KDM4C: variants seen among roughly 807,000 people sequenced by gnomAD.
The protein encoded by KDM4C is lysine demethylase 4C, also known as lysine-specific demethylase 4C.
In KDM4C, 81 loss-of-function variants were observed where a neutral mutation model predicts 129.3. The observed-to-expected ratio is 0.63, with a 90% CI of 0.52 to 0.75. The LOEUF (loss-of-function observed/expected upper bound fraction) is 0.75, where lower values mean the gene tolerates loss of function less well. Ranked by LOEUF, KDM4C falls within the 30% of genes least tolerant of loss-of-function variation. The pLI, the probability that KDM4C is intolerant of heterozygous loss-of-function variation, is 0.00. For synonymous variants in KDM4C, 573 were observed against 456.1 expected, an observed-to-expected ratio of 1.26 and a Z score of -3.26; for missense variants, 1,457 against 1,304.0, an observed-to-expected ratio of 1.12 and a Z score of -1.81.
chr9:7,046,990 C>T (rs1298458530), intron 16 of KDM4C, 73 bp downstream of exon 16: 15 of 1,045,232 alleles, frequency 1.4e-5, no homozygotes, highest in Middle Eastern at 2.0e-4. Flanking sequence ...GATGACAGTT[C>T]GCTTTACCTC....
chr9:6,887,242 G>C (rs1845448492), intron 6 of KDM4C, among the ~76,000 whole-genome samples: 1 of 152,176 alleles, frequency 6.6e-6, no homozygotes, highest in African/African-American at 2.4e-5. Flanking sequence ...GTTAATGAGA[G>C]TCTGCCTCAG....
chr9:6,913,753 A>C (rs1287645212), intron 8 of KDM4C, among the ~76,000 whole-genome samples: 1 of 152,252 alleles, frequency 6.6e-6, no homozygotes, highest in Admixed American at 6.5e-5. Context: ...CAGAATCACA[A>C]AATTCCCAGA....
intron 15 of KDM4C, 98 bp downstream of exon 15, chr9:7,016,027 T>A: frequency 2.5e-6 from 2 of 785,148 alleles, no homozygotes; most frequent in Non-Finnish European, 4.3e-6. Context: ...CTCAGGTGCT[T>A]ATATGTGCAG....
chr9:6,764,655 T>A (rs1000638102), intron 1 of KDM4C, among the ~76,000 whole-genome samples: 9 of 152,340 alleles, frequency 5.9e-5, no homozygotes, highest in African/African-American at 2.2e-4. Context: ...TCAGCTACTA[T>A]GGTATTTATG....
chr9:7,024,202 G>T (rs1030658341), intron 15 of KDM4C, among the ~76,000 whole-genome samples: 8 of 150,810 alleles, frequency 5.3e-5, no homozygotes, highest in Non-Finnish European at 1.0e-4. Context: ...CTATCTGGAG[G>T]ATCTGTCCAT....
chr9:6,797,120 T>G (rs1827896284), intron 2 of KDM4C, among the ~76,000 whole-genome samples: 1 of 151,910 alleles, frequency 6.6e-6, no homozygotes, highest in South Asian at 2.1e-4. Flanking sequence ...GCCTCCCAAG[T>G]AGCTGGGACT....
At chr9:6,941,093 C>T (rs1222634111) in intron 8 of KDM4C, among the ~76,000 whole-genome samples, 1 of 151,150 alleles carries the variant, frequency 6.6e-6, no homozygotes, top group Non-Finnish European at 1.5e-5. Context: ...TGCAGTGGCA[C>T]AATCTCAGCT....
At chr9:6,846,384 G>A (rs1012741842) in intron 4 of KDM4C, among the ~76,000 whole-genome samples, 1 of 152,114 alleles carries the variant, frequency 6.6e-6, no homozygotes. Context: ...GTAGTATATT[G>A]TATAACACTT....
chr9:6,860,965 AT>A (rs1255366240), intron 5 of KDM4C, among the ~76,000 whole-genome samples: 1 of 152,198 alleles, frequency 6.6e-6, no homozygotes, highest in Non-Finnish European at 1.5e-5. Flanking sequence ...ATATATCTAT[AT>A]ATAATATTAC....
At chr9:7,077,934 G>T (rs190005551) in intron 17 of KDM4C, among the ~76,000 whole-genome samples, 4 of 152,266 alleles carry the variant, frequency 2.6e-5, no homozygotes, top group East Asian at 3.9e-4. Flanking sequence ...TAGGCTCTGG[G>T]ATCAAAGACC....
chr9:7,129,290 A>G (rs1397040295), intron 19 of KDM4C, among the ~76,000 whole-genome samples: 2 of 152,244 alleles, frequency 1.3e-5, no homozygotes, highest in Non-Finnish European at 2.9e-5. Flanking sequence ...AGAAACATTG[A>G]TTCAGTTAGT....
intron 17 of KDM4C, among the ~76,000 whole-genome samples, chr9:7,050,961 G>A (rs1387995844): frequency 6.6e-6 from 1 of 152,128 alleles, no homozygotes; most frequent in Non-Finnish European, 1.5e-5. Context: ...ATTTCTCATG[G>A]AACATTTCCT....
At chr9:6,878,336 G>C (rs983382480) in intron 5 of KDM4C, among the ~76,000 whole-genome samples, 1 of 152,136 alleles carries the variant, frequency 6.6e-6, no homozygotes, top group Non-Finnish European at 1.5e-5. Flanking sequence ...GATATTTATA[G>C]AATTTGAAAA....
At chr9:6,990,071 C>T (rs1345016054) in intron 11 of KDM4C, among the ~76,000 whole-genome samples, 1 of 152,108 alleles carries the variant, frequency 6.6e-6, no homozygotes, top group Non-Finnish European at 1.5e-5. Flanking sequence ...AGCCACTGTG[C>T]CTGGCCTATA....
intron 18 of KDM4C, among the ~76,000 whole-genome samples, chr9:7,114,321 C>G (rs1307955981): frequency 6.6e-6 from 1 of 152,110 alleles, no homozygotes; most frequent in Non-Finnish European, 1.5e-5. Context: ...AGTCTAGTCA[C>G]CCTCAGGGAC....
intron 12 of KDM4C, among the ~76,000 whole-genome samples, chr9:7,003,114 C>T (rs975448885): frequency 1.1e-4 from 17 of 152,294 alleles, no homozygotes; most frequent in African/African-American, 4.1e-4. Flanking sequence ...GATCCATCTG[C>T]CTCGCCCTCC....
intron 5 of KDM4C, among the ~76,000 whole-genome samples, chr9:6,868,559 T>G (rs1017630107): frequency 6.6e-6 from 1 of 152,188 alleles, no homozygotes; most frequent in African/African-American, 2.4e-5. Flanking sequence ...TCCCCTATAC[T>G]TTACATCATT....
chr9:6,857,762 T>G (rs1840131701), intron 5 of KDM4C, among the ~76,000 whole-genome samples: 1 of 151,678 alleles, frequency 6.6e-6, no homozygotes, highest in Non-Finnish European at 1.5e-5. Flanking sequence ...GTACTTTTTT[T>G]TTTTTTTTTT....
chr9:6,794,770 T>C (rs1370308903), intron 2 of KDM4C, among the ~76,000 whole-genome samples: 2 of 151,978 alleles, frequency 1.3e-5, no homozygotes, highest in Non-Finnish European at 2.9e-5. Flanking sequence ...GACTTAAGCC[T>C]TGTGGGTGTA....
Sources: allele counts gnomAD v4.1 joint callset (sites outside exome capture counted in the v4.1 genomes callset), GRCh38; gene constraint gnomAD v4.1.1; transcripts MANE v1.5; gene names NCBI Gene and HGNC (gene_info 2026-07-23, HGNC 2026-07-21).